The following FAM107B variants were observed in gnomAD, a reference collection of about 807,000 sequenced individuals.
FAM107B encodes the protein family with sequence similarity 107 member B.
Under a neutral mutation model 31.5 loss-of-function variants are expected in FAM107B, and 21 were observed. The ratio of observed to expected loss-of-function variants is 0.67; its 90% CI spans 0.47 to 0.96. The LOEUF (loss-of-function observed/expected upper bound fraction) is 0.96. FAM107B is among the 40% of genes least tolerant of loss of function. The pLI, the probability that FAM107B is intolerant of heterozygous loss-of-function variation, is 0.00. For missense variants in FAM107B, 452 were observed against 377.1 expected (o/e 1.20, Z -1.64); for synonymous variants, 157 against 141.5 (o/e 1.11, Z -0.78).
rs371686621 is a variant in FAM107B at position 14,541,564 on chromosome 10, C to T, written c.470-11049G>A. Among the ~76,000 whole-genome samples, 149 of 152,296 alleles carry T rather than the reference C, an allele frequency of 9.8e-4. 1 individual carries two copies. The highest frequency in any genetic ancestry group is 3.5e-3 in the African/African-American group (146 of 41,560). Reference sequence around the variant, plus strand: ...CCTGCCTCCCCGAGTCTTCCCGGGGCCTCTCCTCCGGAGACATGTCCTACT... The same window carrying T: ...CCTGCCTCCCCGAGTCTTCCCGGGGTCTCTCCTCCGGAGACATGTCCTACT... On this transcript the variant is annotated intron_variant, in intron 2 of 4. Coordinates refer to ENST00000181796, the MANE Select transcript of FAM107B (RefSeq NM_031453.4).
At chr10:14,551,589 CT>C (rs35049608) in intron 2 of FAM107B, among the ~76,000 whole-genome samples, 159 of 143,854 alleles carry the variant, frequency 1.1e-3, no homozygotes, top group Middle Eastern at 3.6e-3. Flanking sequence ...CACTATTTTC[CT>C]TTTTTTTTTT....
At chr10:14,527,527 T>C (rs1269949153) in intron 3 of FAM107B, among the ~76,000 whole-genome samples, 1 of 152,248 alleles carries the variant, frequency 6.6e-6, no homozygotes, top group African/African-American at 2.4e-5. Context: ...AGTCTCCACA[T>C]AAACTTGCTT....
chr10:14,724,443 T>C lies in FAM107B; in HGVS notation c.411+49810A>G, dbSNP rs528817202. On this transcript the variant is annotated intron_variant, in intron 1 of 4. Coordinates refer to ENST00000181796, the MANE Select transcript of FAM107B (RefSeq NM_031453.4). The stretch of plus-strand genomic sequence containing the variant: ...AAGGGTTTATTTCTAAAATCTTAAT[T>C]CTATTCCATTGAATAGACTAGAAGA... Among the ~76,000 whole-genome samples the C allele has an allele frequency of 1.3e-4, 20 of 152,336 alleles. No homozygotes were observed. In the South Asian group the frequency reaches 2.1e-3, roughly 16 times the overall value.
intron 2 of FAM107B, among the ~76,000 whole-genome samples, chr10:14,634,920 T>C (rs1853458437): frequency 6.6e-6 from 1 of 151,844 alleles, no homozygotes; most frequent in Non-Finnish European, 1.5e-5. Flanking sequence ...TGAAACCCCA[T>C]CTCTACTAAA....
intron 2 of FAM107B, among the ~76,000 whole-genome samples, chr10:14,573,214 T>C (rs1159764760): frequency 6.6e-6 from 1 of 152,154 alleles, no homozygotes; most frequent in Non-Finnish European, 1.5e-5. Flanking sequence ...CCAAAGTTCA[T>C]GTTGAAACTT....
intron 2 of FAM107B, among the ~76,000 whole-genome samples, chr10:14,545,374 T>TG (rs112825770): frequency 0.021 from 3,182 of 152,250 alleles, 105 homozygotes; most frequent in African/African-American, 0.072. Flanking sequence ...GCTATTGATC[T>TG]GGGGGCTGGG....
chr10:14,540,243 C>T (rs1318246825), intron 2 of FAM107B, among the ~76,000 whole-genome samples: 7 of 152,258 alleles, frequency 4.6e-5, no homozygotes. Context: ...TACCTAGGAG[C>T]TGGCAGTGTC....
chr10:14,593,509 G>T (rs1852084878), intron 2 of FAM107B, among the ~76,000 whole-genome samples: 1 of 151,930 alleles, frequency 6.6e-6, no homozygotes, highest in African/African-American at 2.4e-5. Flanking sequence ...GAAACCCCAT[G>T]TCTAATAAAA....
intron 1 of FAM107B, among the ~76,000 whole-genome samples, chr10:14,719,843 A>G (rs1490296403): frequency 6.6e-6 from 1 of 151,698 alleles, no homozygotes; most frequent in Non-Finnish European, 1.5e-5. Flanking sequence ...GCTGTTATTG[A>G]TCTTTGGGTT....
At chr10:14,627,441 T>C (rs1485246925) in intron 2 of FAM107B, among the ~76,000 whole-genome samples, 1 of 152,170 alleles carries the variant, frequency 6.6e-6, no homozygotes, top group Admixed American at 6.5e-5. Flanking sequence ...TCTGTTAAAA[T>C]AGCAGCTCTG....
chr10:14,770,056 C>G (rs541028569), intron 1 of FAM107B, among the ~76,000 whole-genome samples: 33 of 152,296 alleles, frequency 2.2e-4, no homozygotes, highest in Non-Finnish European at 4.0e-4. Flanking sequence ...TGTTTGTATT[C>G]CATCCGGTGC....
At position 14,648,001 on chromosome 10, in the gene FAM107B, GA is replaced by G. The variant is rs546564001; in HGVS notation, c.469+19632del. 6.4e-3 allele frequency among the ~76,000 whole-genome samples: 847 copies of G among 132,572 alleles called. 9 individuals carry two copies. Among genetic ancestry groups the G allele is most frequent in the African/African-American group, 0.019 (672 of 36,248 alleles). 87.0% of individuals were successfully genotyped at this position (132,572 alleles called of 152,430 possible). A position where few individuals can be genotyped will look rare whatever the true frequency, so the allele number is the denominator to read the frequency against. On this transcript the variant is annotated intron_variant, in intron 2 of 4. Coordinates refer to ENST00000181796, the MANE Select transcript of FAM107B (RefSeq NM_031453.4). ...ATGGAGTGAGAATCCATTTTTAGCG[GA>G]AAAAAAAAAAGGCGATATAAAACAT...
chr10:14,774,623 G>C lies in FAM107B; in HGVS notation c.41C>G (p.Ser14Cys), dbSNP rs1404763622. ...WKARLTKRLK[S>C]PSRSMHPFPC... Reference sequence around the variant, plus strand: ...AAATGGATGCATGCTTCTAGAGGGAGACTTCAGTCTTTTGGTGAGTCTTGC... The same window carrying C: ...AAATGGATGCATGCTTCTAGAGGGACACTTCAGTCTTTTGGTGAGTCTTGC... Residue 14 changes from serine to cysteine, a missense_variant, in exon 1 of 5, where the codon TCT (serine) becomes TGT (cysteine). Physicochemically the swap from Ser to Cys is moderately radical, Grantham distance 112. Coordinates refer to ENST00000181796, the MANE Select transcript of FAM107B (RefSeq NM_031453.4). 4 of 1,614,026 alleles carry C rather than the reference G, an allele frequency of 2.5e-6. No homozygotes were observed. The highest frequency in any genetic ancestry group is 2.5e-6 in the Non-Finnish European group (3 of 1,180,014).
At chr10:14,537,532 A>G (rs1847745003) in intron 2 of FAM107B, among the ~76,000 whole-genome samples, 3 of 152,204 alleles carry the variant, frequency 2.0e-5, no homozygotes, top group Non-Finnish European at 4.4e-5. Context: ...CAGGGTTGCT[A>G]TGAAGAGTAA....
intron 1 of FAM107B, among the ~76,000 whole-genome samples, chr10:14,767,055 T>TATATATATAGAGAG (rs1440609298): frequency 6.6e-4 from 12 of 18,278 alleles, no homozygotes; most frequent in Non-Finnish European, 7.8e-4. Flanking sequence ...TATATATATA[T>TATATATATAGAGAG]AGAGAGAGAG....
chr10:14,667,725 G>A (rs774723599), intron 1 of FAM107B, 34 bp from the exon 2 acceptor site: 2 of 1,611,728 alleles, frequency 1.2e-6, no homozygotes, highest in Non-Finnish European at 1.7e-6. Context: ...GAAAAGCAGG[G>A]AGAAAGTAAA....
chr10:14,634,413 A>C (rs35023673), intron 2 of FAM107B, among the ~76,000 whole-genome samples: 106 of 147,288 alleles, frequency 7.2e-4, no homozygotes, highest in Non-Finnish European at 1.2e-3. Context: ...AAAAAAAAAA[A>C]AAAAATTCAA....
intron 2 of FAM107B, among the ~76,000 whole-genome samples, chr10:14,569,386 T>G (rs1410046400): frequency 6.6e-6 from 1 of 152,052 alleles, no homozygotes; most frequent in East Asian, 1.9e-4. Context: ...GAGCTGCAGT[T>G]TGCATTGTGC....
intron 1 of FAM107B, among the ~76,000 whole-genome samples, chr10:14,745,390 G>A (rs1588749958): frequency 6.6e-6 from 1 of 152,200 alleles, no homozygotes; most frequent in South Asian, 2.1e-4. Flanking sequence ...TCGCTGTGAT[G>A]TTAGGATGTC....
Sources: gnomAD v4.1 joint callset for allele counts (sites outside exome capture counted in the v4.1 genomes callset) on GRCh38, gnomAD v4.1.1 for gene constraint, MANE v1.5 for transcripts, NCBI Gene and HGNC (gene_info 2026-07-23, HGNC 2026-07-21) for gene names.